Variants in DCK observed in about 807,000 individuals in gnomAD.
DCK encodes the protein deoxycytidine kinase.
A neutral mutation model predicts 38.3 loss-of-function variants in DCK; 23 were observed. The observed-to-expected ratio is 0.60, with a 90% CI of 0.43 to 0.85. The LOEUF (loss-of-function observed/expected upper bound fraction) is 0.85. Among genes scored for constraint, DCK ranks in the 40% least tolerant of loss-of-function variants. The probability of loss-of-function intolerance (pLI) is 0.00; values close to 1 mark genes in which losing one functional copy is unlikely to be tolerated. For synonymous variants in DCK, 108 were observed against 100.6 expected, an observed-to-expected ratio of 1.07 and a Z score of -0.44; for missense variants, 259 against 304.4, an observed-to-expected ratio of 0.85 and a Z score of 1.11.
intron 2 of DCK, among the ~76,000 whole-genome samples, chr4:71,005,249 G>C (rs1455485006): frequency 6.6e-6 from 1 of 151,758 alleles, no homozygotes; most frequent in Non-Finnish European, 1.5e-5. Flanking sequence ...CCTTCCAGGT[G>C]AGGCGATGCC....
At chr4:70,994,089 C>G in intron 1 of DCK, 163 bp downstream of exon 1, 1 of 641,868 alleles carries the variant, frequency 1.6e-6, no homozygotes, top group Non-Finnish European at 2.8e-6. Flanking sequence ...AGCATCCTTC[C>G]CTTACCTCCC....
intron 2 of DCK, among the ~76,000 whole-genome samples, chr4:70,999,782 GC>G (rs1739750809): frequency 6.6e-6 from 1 of 152,102 alleles, no homozygotes; most frequent in Admixed American, 6.5e-5. Context: ...GTGATGATGA[GC>G]TTTTTTTCAT....
chr4:71,006,663 C>T (rs1739949549), intron 2 of DCK, among the ~76,000 whole-genome samples: 1 of 151,936 alleles, frequency 6.6e-6, no homozygotes, highest in Non-Finnish European at 1.5e-5. Context: ...TAAAAATTAG[C>T]TAGGTGTGGT....
chr4:71,026,483 G>C (rs1309026103), intron 5 of DCK, among the ~76,000 whole-genome samples, 182 bp from the exon 6 acceptor site: 8 of 152,016 alleles, frequency 5.3e-5, no homozygotes. Context: ...TAAGTTTTTG[G>C]GCTCCATATG....
intron 2 of DCK, among the ~76,000 whole-genome samples, chr4:71,016,221 T>TA (rs1210581652): frequency 6.6e-5 from 10 of 152,148 alleles, no homozygotes; most frequent in African/African-American, 2.4e-4. Context: ...GAATCCAACT[T>TA]ACAAGGGATG....
intron 2 of DCK, among the ~76,000 whole-genome samples, chr4:71,012,757 C>T (rs1249459769): frequency 6.6e-6 from 1 of 152,038 alleles, no homozygotes; most frequent in African/African-American, 2.4e-5. Context: ...ACACCAAAAC[C>T]CCATCTGTAC....
chr4:71,029,688 C>G lies in DCK; in HGVS notation c.*310C>G. On this transcript the variant is annotated 3_prime_UTR_variant, in exon 7 of 7. Coordinates refer to ENST00000286648, the MANE Select transcript of DCK (RefSeq NM_000788.3). ...TATAAAAGATCCAGCTTCCTTCTGTCATTCCCCTCTTTTGTCTTCCTCAGC... is the reference window on the plus strand; with the variant it reads ...TATAAAAGATCCAGCTTCCTTCTGTGATTCCCCTCTTTTGTCTTCCTCAGC... The G allele has an allele frequency of 3.9e-6, 1 of 256,620 alleles. No homozygotes were observed. The highest frequency in any genetic ancestry group is 7.4e-6 in the Non-Finnish European group (1 of 135,508). The allele number at this position is 256,620 out of a possible 1,614,324, so 15.9% of individuals were successfully genotyped here.
intron 2 of DCK, among the ~76,000 whole-genome samples, chr4:71,000,900 C>T (rs1739784867): frequency 6.6e-6 from 1 of 152,120 alleles, no homozygotes; most frequent in South Asian, 2.1e-4. Context: ...TTGCTTGTCA[C>T]CATAAGGGAT....
intron 2 of DCK, among the ~76,000 whole-genome samples, chr4:71,017,675 A>AG (rs1740306559): frequency 6.6e-6 from 1 of 150,914 alleles, no homozygotes; most frequent in Non-Finnish European, 1.5e-5. Context: ...AAACTGTCGC[A>AG]GGGAAAAAAA....
At chr4:71,027,734 G>A (rs1417113528) in intron 6 of DCK, among the ~76,000 whole-genome samples, 1 of 151,988 alleles carries the variant, frequency 6.6e-6, no homozygotes, top group Non-Finnish European at 1.5e-5. Flanking sequence ...AAGCTTATCT[G>A]GAAAATTCCA....
At chr4:71,000,418 C>T (rs1317323282) in intron 2 of DCK, among the ~76,000 whole-genome samples, 2 of 152,214 alleles carry the variant, frequency 1.3e-5, no homozygotes, top group East Asian at 3.8e-4. Context: ...GTTTTGGTTA[C>T]TGTAGCCTTG....
chr4:71,018,002 A>T (rs1162355229), intron 2 of DCK, among the ~76,000 whole-genome samples: 4 of 152,210 alleles, frequency 2.6e-5, no homozygotes, highest in African/African-American at 4.8e-5. Flanking sequence ...ACAGCAGCCT[A>T]ATTTATTGTA....
chr4:71,028,820 C>T (rs182230074), intron 6 of DCK: 23 of 299,768 alleles, frequency 7.7e-5, no homozygotes, highest in African/African-American at 4.8e-4. Context: ...TGCGATGGCG[C>T]GATCTCAGCT....
intron 6 of DCK, among the ~76,000 whole-genome samples, 193 bp from the exon 7 acceptor site, chr4:71,029,159 G>A (rs1740619670): frequency 6.6e-6 from 1 of 152,210 alleles, no homozygotes; most frequent in Admixed American, 6.5e-5. Context: ...CTCCCAAAAT[G>A]CTAGAATTAC....
chr4:71,006,841 A>G (rs1739958100), intron 2 of DCK, among the ~76,000 whole-genome samples: 1 of 152,104 alleles, frequency 6.6e-6, no homozygotes, highest in South Asian at 2.1e-4. Flanking sequence ...TAAGGCAGAA[A>G]CCTTAAAAAT....
At chr4:71,002,423 G>A (rs1007063741) in intron 2 of DCK, among the ~76,000 whole-genome samples, 5 of 152,172 alleles carry the variant, frequency 3.3e-5, no homozygotes, top group Non-Finnish European at 7.3e-5. Flanking sequence ...GTGGTACTGA[G>A]AATAATGTAT....
At position 70,993,854 on chromosome 4, in the gene DCK, A is replaced by C; in HGVS notation, c.19A>C (p.Arg7=). 6.2e-7 allele frequency: 1 copy of C among 1,613,864 alleles called. No homozygotes were observed. The change falls in exon 1 of 7, where the codon AGA becomes CGA. Residue 7 remains arginine (R), a synonymous_variant. Transcript: ENST00000286648. MATPPK[R]SCPSFSASSE... ...CTAAGGAATGGCCACCCCGCCCAAG[A>C]GAAGCTGCCCGTCTTTCTCAGCCAG...
At position 71,004,850 on chromosome 4, in the gene DCK, G is replaced by A. The variant is rs528209062; in HGVS notation, c.207+6668G>A. ...TCTCAGGTTGACTTCAGACTGCTGT[G>A]CTGGCAGTGAGAATTTCAAGCCAGT... is the stretch of plus-strand genomic sequence containing the variant. On this transcript the variant is annotated intron_variant, in intron 2 of 6. Transcript: ENST00000286648. 2.0e-5 allele frequency among the ~76,000 whole-genome samples: 3 copies of A among 152,274 alleles called. No homozygotes were observed. In the South Asian group the frequency reaches 6.2e-4, roughly 32 times the overall value.
chr4:71,015,133 C>T (rs1158944689), intron 2 of DCK, among the ~76,000 whole-genome samples: 1 of 150,894 alleles, frequency 6.6e-6, no homozygotes, highest in Non-Finnish European at 1.5e-5. Flanking sequence ...TCACAGAATA[C>T]TATAAACACC....
Sources: gnomAD v4.1 joint callset for allele counts (sites outside exome capture counted in the v4.1 genomes callset) on GRCh38, gnomAD v4.1.1 for gene constraint, MANE v1.5 for transcripts, NCBI Gene and HGNC (gene_info 2026-07-23, HGNC 2026-07-21) for gene names.